The following PTPRT variants were observed in gnomAD, a reference collection of about 807,000 sequenced individuals.
The protein encoded by PTPRT is receptor-type tyrosine-protein phosphatase T.
PTPRT carries 56 observed loss-of-function variants against 176.8 expected under a neutral mutation model. The ratio of observed to expected loss-of-function variants is 0.32; its 90% CI spans 0.26 to 0.40. PTPRT has a LOEUF of 0.40. Among genes scored for constraint, PTPRT ranks in the 10% least tolerant of loss-of-function variants. The probability of loss-of-function intolerance (pLI) is 1.00; values close to 1 mark genes in which losing one functional copy is unlikely to be tolerated. For missense variants in PTPRT, 1,540 were observed against 1,908.2 expected (o/e 0.81, Z 3.60); for synonymous variants, 783 against 739.0 (o/e 1.06, Z -0.96).
intron 12 of PTPRT, among the ~76,000 whole-genome samples, chr20:42,306,118 T>C (rs1050000802): frequency 6.6e-6 from 1 of 152,182 alleles, no homozygotes; most frequent in Non-Finnish European, 1.5e-5. Flanking sequence ...AGGAAAATGT[T>C]CCTGCTCCCT....
intron 7 of PTPRT, among the ~76,000 whole-genome samples, chr20:42,630,209 C>A (rs2074377364): frequency 6.6e-6 from 1 of 152,092 alleles, no homozygotes; most frequent in African/African-American, 2.4e-5. Flanking sequence ...CCAAGCAGTG[C>A]AGACAGCTTC....
chr20:42,617,752 A>G (rs2074110341), intron 7 of PTPRT, among the ~76,000 whole-genome samples: 1 of 138,762 alleles, frequency 7.2e-6, no homozygotes. Flanking sequence ...ACTCTCTGAT[A>G]GTAGTTTGTA....
At chr20:42,592,493 A>C (rs868755102) in intron 7 of PTPRT, among the ~76,000 whole-genome samples, 22 of 152,182 alleles carry the variant, frequency 1.4e-4, no homozygotes, top group African/African-American at 5.3e-4. Context: ...CCCCACTCTC[A>C]TGATTTCAGG....
chr20:42,754,520 C>T (rs1416339513), intron 6 of PTPRT, among the ~76,000 whole-genome samples: 1 of 146,318 alleles, frequency 6.8e-6, no homozygotes, highest in Admixed American at 6.6e-5. Context: ...CTCAGGTGAT[C>T]GATCTGTCTG....
chr20:42,503,802 A>G (rs230164), intron 7 of PTPRT, among the ~76,000 whole-genome samples: 2,585 of 152,112 alleles, frequency 0.017, 53 homozygotes, highest in Admixed American at 0.048. Flanking sequence ...TTCTGCTCAT[A>G]CCAGTCTCCC....
intron 2 of PTPRT, among the ~76,000 whole-genome samples, chr20:42,858,691 G>A (rs1407287646): frequency 1.3e-5 from 2 of 152,178 alleles, no homozygotes; most frequent in African/African-American, 2.4e-5. Context: ...CTACAACTGT[G>A]AGCAATAAAT....
At chr20:42,722,899 C>T (rs2076324359) in intron 6 of PTPRT, among the ~76,000 whole-genome samples, 1 of 152,196 alleles carries the variant, frequency 6.6e-6, no homozygotes, top group African/African-American at 2.4e-5. Context: ...CTATGGCAAA[C>T]TTTAACAAGT....
At chr20:42,064,433 T>C in the PTPRT span, among the ~76,000 whole-genome samples, 1,039 of 152,248 alleles carry the variant, frequency 6.8e-3, 16 homozygotes, top group African/African-American at 0.024. Flanking sequence ...GTTCTATAGC[T>C]TTCTTTATGT....
At chr20:42,767,934 A>T (rs1332869636) in intron 5 of PTPRT, among the ~76,000 whole-genome samples, 5 of 146,194 alleles carry the variant, frequency 3.4e-5, no homozygotes, top group Non-Finnish European at 7.5e-5. Flanking sequence ...CATGATATAT[A>T]TTATAACATA....
At chr20:43,018,477 A>T (rs1985480787) in intron 1 of PTPRT, among the ~76,000 whole-genome samples, 1 of 152,250 alleles carries the variant, frequency 6.6e-6, no homozygotes, top group African/African-American at 2.4e-5. Context: ...GGTGACATAA[A>T]ATCATACAAG....
At position 42,756,667 on chromosome 20, in the gene PTPRT, G is replaced by C. The variant is rs1013788274; in HGVS notation, c.685-31C>G. 5 of 1,515,858 alleles carry C rather than the reference G, an allele frequency of 3.3e-6. No individual in the cohort carries two copies. The African/African-American group carries it at 5.5e-5, about 17-fold the overall frequency. The allele number at this position is 1,515,858 out of a possible 1,614,324, so 93.9% of individuals were successfully genotyped here. On this transcript the variant is annotated intron_variant, in intron 5 of 30. Transcript: ENST00000373187. ...GAACAGAGGAAGAGAGGGAGAGGAG[G>C]AATCATAGCATCATAGGCTTCTAGG...
At chr20:42,047,856 T>G in the PTPRT span, among the ~76,000 whole-genome samples, 6 of 152,340 alleles carry the variant, frequency 3.9e-5, no homozygotes, top group South Asian at 1.0e-3. Flanking sequence ...GACTCTGTAT[T>G]TGATACTCTT....
intron 27 of PTPRT, among the ~76,000 whole-genome samples, chr20:42,088,747 G>T (rs1600478818): frequency 6.6e-6 from 1 of 152,162 alleles, no homozygotes; most frequent in South Asian, 2.1e-4. Flanking sequence ...CATATAGCCT[G>T]CAAAACCTGA....
chr20:42,697,714 C>T (rs916289813), intron 6 of PTPRT, among the ~76,000 whole-genome samples: 13 of 152,192 alleles, frequency 8.5e-5, no homozygotes, highest in African/African-American at 2.7e-4. Flanking sequence ...GGAAAAAACT[C>T]GCCTTTGTGG....
At chr20:42,784,296 T>C (rs114094) in intron 3 of PTPRT, among the ~76,000 whole-genome samples, 51,462 of 152,064 alleles carry the variant, frequency 0.34, 9,376 homozygotes, top group Non-Finnish European at 0.41. Flanking sequence ...CCTAATCTTT[T>C]ATAGTTCTTG....
intron 7 of PTPRT, among the ~76,000 whole-genome samples, chr20:42,492,568 C>G (rs1329673261): frequency 3.3e-5 from 5 of 152,068 alleles, no homozygotes; most frequent in African/African-American, 1.2e-4. Context: ...TTGCTTCAGC[C>G]TGTTGTGCAA....
At chr20:42,258,556 T>C (rs886197442) in intron 13 of PTPRT, among the ~76,000 whole-genome samples, 1 of 152,200 alleles carries the variant, frequency 6.6e-6, no homozygotes, top group Admixed American at 6.5e-5. Flanking sequence ...TTTAGGTGAT[T>C]TTTTTCTGCT....
At chr20:43,157,979 C>A (rs142503498) in intron 1 of PTPRT, among the ~76,000 whole-genome samples, 3 of 152,270 alleles carry the variant, frequency 2.0e-5, no homozygotes, top group African/African-American at 4.8e-5. Context: ...GGGACATGAT[C>A]CAATTCTGAT....
Position 42,184,555 on chromosome 20 carries a change from CTTCTTA to C in PTPRT, c.2491+14679_2491+14684del, listed in dbSNP as rs1425808965. On this transcript the variant is annotated intron_variant, in intron 16 of 30. Transcript: ENST00000373187. Reference sequence around the variant, plus strand: ...TCTTCCTCTTCCTCTTCTTCTTCTTCTTCTTATTCTTCTTCTTCTTCTTCTTCTTCT... The same window carrying C: ...TCTTCCTCTTCCTCTTCTTCTTCTTCTTCTTCTTCTTCTTCTTCTTCTTCT... Among the ~76,000 whole-genome samples, 812 of 116,942 alleles carry C rather than the reference CTTCTTA, an allele frequency of 6.9e-3. 23 individuals are homozygous for C. The highest frequency in any genetic ancestry group is 0.013 in the African/African-American group (384 of 28,566). 76.7% of individuals were successfully genotyped at this position (116,942 alleles called of 152,430 possible).
Sources: allele counts gnomAD v4.1 joint callset (sites outside exome capture counted in the v4.1 genomes callset), GRCh38; gene constraint gnomAD v4.1.1; transcripts MANE v1.5; gene names NCBI Gene and HGNC (gene_info 2026-07-23, HGNC 2026-07-21).